ABCA10: variants seen among roughly 807,000 people sequenced by gnomAD.
ABCA10 encodes the protein ATP-binding cassette sub-family A member 10.
In ABCA10, 169 loss-of-function variants were observed where a neutral mutation model predicts 187.5. The ratio of observed to expected loss-of-function variants is 0.90; its 90% CI spans 0.80 to 1.02. The LOEUF (loss-of-function observed/expected upper bound fraction) is 1.02, where lower values mean the gene tolerates loss of function less well. Ranked by LOEUF, ABCA10 falls within the 50% of genes least tolerant of loss-of-function variation. The probability of loss-of-function intolerance (pLI) is 0.00; values close to 1 mark genes in which losing one functional copy is unlikely to be tolerated. For missense variants in ABCA10, 1,727 were observed against 1,812.4 expected (o/e 0.95, Z 0.86); for synonymous variants, 574 against 601.8 (o/e 0.95, Z 0.68).
intron 28 of ABCA10, 21 bp from the exon 29 acceptor site, chr17:69,155,946 C>T (rs1390502324): frequency 6.2e-7 from 1 of 1,600,954 alleles, no homozygotes; most frequent in Admixed American, 1.7e-5. Context: ...AATAAAATAA[C>T]ATAAAAATGC....
upstream of ABCA10, among the ~76,000 whole-genome samples, chr17:69,230,419 C>G (rs2074824556): frequency 6.6e-6 from 1 of 151,448 alleles, no homozygotes; most frequent in South Asian, 2.1e-4. Flanking sequence ...TTGTCTGTGT[C>G]CCTTGGAGAG....
At chr17:69,185,315 T>A (rs1023713298) in intron 20 of ABCA10, among the ~76,000 whole-genome samples, 162 bp downstream of exon 20, 10 of 151,918 alleles carry the variant, frequency 6.6e-5, no homozygotes, top group Admixed American at 2.0e-4. Context: ...TAATACAAAA[T>A]AAAAAATATT....
At position 69,174,653 on chromosome 17, in the gene ABCA10, A is replaced by C; in HGVS notation, c.3002T>G (p.Phe1001Cys). Residue 1001 changes from phenylalanine to cysteine, a missense_variant, in exon 24 of 39, where the codon TTC becomes TGC. Transcript: ENST00000690296. ...TGAAAGCTGGAATCCCAGAAATATG[A>C]AGTAGTAAATTAAATGTATTGAAAA... ...ILFSIHLIYY[F>C]IFLGFQLSWE... 6.2e-7 allele frequency: 1 copy of C among 1,610,768 alleles called. No homozygotes were observed. Among genetic ancestry groups the C allele is most frequent in the Non-Finnish European group, 8.5e-7 (1 of 1,178,652 alleles).
At chr17:69,160,306 A>G (rs1157956134) in intron 27 of ABCA10, among the ~76,000 whole-genome samples, 1 of 152,182 alleles carries the variant, frequency 6.6e-6, no homozygotes, top group Admixed American at 6.6e-5. Context: ...AAATAACCCA[A>G]TTTAAAAATG....
chr17:69,202,447 A>T (rs2074553400), intron 9 of ABCA10, among the ~76,000 whole-genome samples: 1 of 152,200 alleles, frequency 6.6e-6, no homozygotes, highest in Non-Finnish European at 1.5e-5. Context: ...TAAGAATGTT[A>T]AGGTAGACGT....
At chr17:69,219,203 A>G (rs2074727385) in intron 6 of ABCA10, among the ~76,000 whole-genome samples, 1 of 152,194 alleles carries the variant, frequency 6.6e-6, no homozygotes, top group Non-Finnish European at 1.5e-5. Context: ...CCTTGAATCC[A>G]AGCCTGGCCA....
At chr17:69,172,044 T>C (rs1598094802) in intron 25 of ABCA10, among the ~76,000 whole-genome samples, 1 of 152,024 alleles carries the variant, frequency 6.6e-6, no homozygotes, top group African/African-American at 2.4e-5. Context: ...AAATCTTTTT[T>C]AAGTTCTTAA....
Position 69,175,542 on chromosome 17 carries a change from G to A in ABCA10, c.2770-29C>T, listed in dbSNP as rs199749496. On this transcript the variant is annotated intron_variant, in intron 22 of 38. Transcript: ENST00000690296. ...AAAGATGAAAACACATCAGTAAGCTGTTGCAATTGTTACAAATTATACAAA... is the reference window on the plus strand; with the variant it reads ...AAAGATGAAAACACATCAGTAAGCTATTGCAATTGTTACAAATTATACAAA... The A allele has an allele frequency of 2.7e-6, 4 of 1,503,356 alleles. No homozygotes were observed. The African/African-American group carries it at 4.2e-5, about 16-fold the overall frequency. The allele number at this position is 1,503,356 out of a possible 1,614,324, so 93.1% of individuals were successfully genotyped here. A position where few individuals can be genotyped will look rare whatever the true frequency, so the allele number is the denominator to read the frequency against.
At chr17:69,149,382 T>G in intron 37 of ABCA10, 1 of 333,866 alleles carries the variant, frequency 3.0e-6, no homozygotes, top group Non-Finnish European at 5.5e-6. Flanking sequence ...TCGAGAATAA[T>G]TTATTCTATA....
intron 6 of ABCA10, among the ~76,000 whole-genome samples, chr17:69,217,542 CAG>C (rs1287389127): frequency 1.3e-5 from 2 of 152,106 alleles, no homozygotes; most frequent in African/African-American, 2.4e-5. Context: ...ATTAAACAAA[CAG>C]AAATACATCC....
Position 69,203,434 on chromosome 17 carries a change from C to T in ABCA10, c.1007-1766G>A, listed in dbSNP as rs138307348. Among the ~76,000 whole-genome samples the T allele has an allele frequency of 1.8e-3, 281 of 152,172 alleles. 1 individual carries two copies. The highest frequency in any genetic ancestry group is 6.6e-3 in the African/African-American group (272 of 41,508). ...TTGCCTGTCCTGGTCAGTGCCTCAC[C>T]CCTAGTAGCCAAAGCCGGAAACCAG... On this transcript the variant is annotated intron_variant, in intron 9 of 38. Transcript: ENST00000690296.
intron 4 of ABCA10, 39 bp downstream of exon 4, chr17:69,222,494 G>A (rs886465345): frequency 6.9e-7 from 1 of 1,457,094 alleles, no homozygotes; most frequent in African/African-American, 1.4e-5. Flanking sequence ...ATTCCATGAA[G>A]TATCAAAAAA....
chr17:69,218,519 A>C (rs1009995901), intron 6 of ABCA10, among the ~76,000 whole-genome samples: 2 of 152,110 alleles, frequency 1.3e-5, no homozygotes, highest in African/African-American at 4.8e-5. Flanking sequence ...TTAGACTATA[A>C]TACCTCATTA....
chr17:69,240,325 G>A (rs2074896190), intron 1 of ABCA10, among the ~76,000 whole-genome samples: 1 of 152,154 alleles, frequency 6.6e-6, no homozygotes, highest in Non-Finnish European at 1.5e-5. Flanking sequence ...GCAGATCCTG[G>A]AATGGGGCTT....
rs752657441 is a variant in ABCA10, at chr17:69,197,021, G to GGGGAGAGGGAGA, written c.1234+31_1234+42dup. 363 of 1,396,846 alleles carry GGGGAGAGGGAGA rather than the reference G, an allele frequency of 2.6e-4. 1 individual carries two copies. In the African/African-American group the frequency reaches 5.1e-3, roughly 19 times the overall value. 86.5% of individuals were successfully genotyped at this position (1,396,846 alleles called of 1,614,324 possible). On this transcript the variant is annotated intron_variant, in intron 11 of 38. Coordinates refer to ENST00000690296, the MANE Select transcript of ABCA10 (RefSeq NM_001377321.1). ...AGACCGTGGACAGAGGGAGGGGGAG[G>GGGGAGAGGGAGA]GGGAGAGGGAGAGGGAGAGGGAGAG...
At chr17:69,234,658 G>C (rs998157391) in intron 1 of ABCA10, 18 of 152,182 alleles carry the variant, frequency 1.2e-4, no homozygotes, top group African/African-American at 4.3e-4. Context: ...GTTGTTATGG[G>C]GGGTGGCGGG....
rs186796541 is a variant in ABCA10, at chr17:69,214,665, A to G, written c.1006+39T>C. ...ATTAATACATGTTTTAAGAAACAGA[A>G]TTGCTTTAAATTTAACTTTAACCAC... On this transcript the variant is annotated intron_variant, in intron 9 of 38. Coordinates refer to ENST00000690296, the MANE Select transcript of ABCA10 (RefSeq NM_001377321.1). The G allele has an allele frequency of 3.3e-5, 46 of 1,397,500 alleles. No individual in the cohort carries two copies. In the African/African-American group the frequency reaches 6.7e-4, roughly 20 times the overall value. The allele number at this position is 1,397,500 out of a possible 1,614,324, so 86.6% of individuals were successfully genotyped here.
intron 23 of ABCA10, 32 bp downstream of exon 23, chr17:69,175,374 T>C: frequency 6.4e-7 from 1 of 1,562,820 alleles, no homozygotes; most frequent in Non-Finnish European, 8.7e-7. Context: ...ATAAAATCAA[T>C]CTCAATCTAA....
chr17:69,219,699 T>C lies in ABCA10; in HGVS notation c.376A>G (p.Ile126Val). ...TCATTCATAATTTCTCCCTTAGAAA[T>C]GAAAGGTGGTATCTTCATATTTATT... ...IGINMKIPPF[I>V]SKGEIMNEWF... Residue 126 changes from isoleucine to valine, a missense_variant, in exon 6 of 39, where the codon ATT (isoleucine) becomes GTT (valine). Ile to Val is a conservative substitution (Grantham distance 29). Coordinates refer to ENST00000690296, the MANE Select transcript of ABCA10 (RefSeq NM_001377321.1). 1 of 1,611,920 alleles carries C rather than the reference T, an allele frequency of 6.2e-7. No individual in the cohort carries two copies. Among genetic ancestry groups the C allele is most frequent in the Non-Finnish European group, 8.5e-7 (1 of 1,178,924 alleles).
Sources: allele counts gnomAD v4.1 joint callset (sites outside exome capture counted in the v4.1 genomes callset), GRCh38; gene constraint gnomAD v4.1.1; transcripts MANE v1.5; gene names NCBI Gene and HGNC (gene_info 2026-07-23, HGNC 2026-07-21).